GGNBP2: variants seen among roughly 807,000 people sequenced by gnomAD.
GGNBP2 encodes the protein gametogenetin-binding protein 2.
In GGNBP2, 10 loss-of-function variants were observed where a neutral mutation model predicts 85.9. The observed-to-expected ratio is 0.12, with a 90% confidence interval of 0.07 to 0.20. The LOEUF (loss-of-function observed/expected upper bound fraction) is 0.20, where lower values mean the gene tolerates loss of function less well. GGNBP2 is among the 10% of genes least tolerant of loss of function. The pLI is 1.00. For missense variants in GGNBP2, 595 were observed against 857.8 expected (o/e 0.69, Z 3.83); for synonymous variants, 287 against 285.7 (o/e 1.00, Z -0.05).
chr17:36,552,513 ATAAAGT>A (rs1440677224), intron 2 of GGNBP2, among the ~76,000 whole-genome samples: 26 of 147,896 alleles, frequency 1.8e-4, no homozygotes, highest in African/African-American at 5.3e-4. Flanking sequence ...TGTGCTGTTG[ATAAAGT>A]TAATGTATGA....
At chr17:36,558,749 C>G (rs566461908) in intron 4 of GGNBP2, among the ~76,000 whole-genome samples, 1 of 142,016 alleles carries the variant, frequency 7.0e-6, no homozygotes, top group African/African-American at 2.5e-5. Flanking sequence ...AGCCACCGTG[C>G]CTGGCTGAGG....
At chr17:36,575,506 G>A (rs367611208) in intron 6 of GGNBP2, among the ~76,000 whole-genome samples, 2 of 150,400 alleles carry the variant, frequency 1.3e-5, no homozygotes, top group South Asian at 2.1e-4. Flanking sequence ...GTTAATTTTT[G>A]TATATTTTTG....
At chr17:36,585,688 T>C in intron 10 of GGNBP2, 152 bp from the exon 11 acceptor site, 1 of 693,604 alleles carries the variant, frequency 1.4e-6, no homozygotes, top group South Asian at 2.5e-5. Context: ...TTAATTTACT[T>C]TCTACTTAAA....
At chr17:36,577,018 C>T (rs1397920674) in intron 6 of GGNBP2, 2 of 152,180 alleles carry the variant, frequency 1.3e-5, no homozygotes, top group Non-Finnish European at 2.9e-5. Context: ...GCTGTAGAGT[C>T]ACAAGTCATC....
chr17:36,571,942 G>A lies in GGNBP2; in HGVS notation c.641+4166G>A, dbSNP rs548306966. On this transcript the variant is annotated intron_variant, in intron 6 of 13. Coordinates refer to ENST00000613102, the MANE Select transcript of GGNBP2 (RefSeq NM_024835.5). ...GACACACCTGCAGTTTCATCTACTCGGGAGGCTGAGGTGGGAGGATCACTT... is the reference window on the plus strand; with the variant it reads ...GACACACCTGCAGTTTCATCTACTCAGGAGGCTGAGGTGGGAGGATCACTT... 2.6e-5 allele frequency among the ~76,000 whole-genome samples: 4 copies of A among 152,028 alleles called. No individual in the cohort carries two copies. The South Asian group carries it at 6.2e-4, about 24-fold the overall frequency.
intron 2 of GGNBP2, among the ~76,000 whole-genome samples, 183 bp from the exon 3 acceptor site, chr17:36,554,637 A>G (rs561520985): frequency 6.6e-6 from 1 of 151,970 alleles, no homozygotes; most frequent in Non-Finnish European, 1.5e-5. Flanking sequence ...TGGCCTCCCA[A>G]AGTGCTGGGA....
rs1474529998 is a variant in GGNBP2 at position 36,589,618 on chromosome 17, A to G, written c.*207A>G. 1.7e-6 allele frequency: 1 copy of G among 578,184 alleles called. No individual in the cohort carries two copies. Among genetic ancestry groups the G allele is most frequent in the Non-Finnish European group, 3.1e-6 (1 of 327,504 alleles). 35.8% of individuals were successfully genotyped at this position (578,184 alleles called of 1,614,324 possible). A position where few individuals can be genotyped will look rare whatever the true frequency, so the allele number is the denominator to read the frequency against. Reference sequence around the variant, plus strand: ...AGTTGCGTGGCTGCGCAGGCCTGCCATATGATTTAAGCCATCTCTTTTCAT... The same window carrying G: ...AGTTGCGTGGCTGCGCAGGCCTGCCGTATGATTTAAGCCATCTCTTTTCAT... On this transcript the variant is annotated 3_prime_UTR_variant, in exon 14 of 14. Coordinates refer to ENST00000613102, the MANE Select transcript of GGNBP2 (RefSeq NM_024835.5).
intron 6 of GGNBP2, chr17:36,576,629 GTATA>G (rs1555607803): frequency 2.4e-4 from 27 of 111,066 alleles, no homozygotes; most frequent in South Asian, 5.6e-4. Flanking sequence ...GTGTGTGTGT[GTATA>G]TGTATATATG....
chr17:36,589,362 A>T lies in GGNBP2; in HGVS notation c.2045A>T (p.His682Leu). 1 of 1,614,118 alleles carries T rather than the reference A, an allele frequency of 6.2e-7. No individual in the cohort carries two copies. Among genetic ancestry groups the T allele is most frequent in the Non-Finnish European group, 8.5e-7 (1 of 1,179,970 alleles). Residue 682 changes from histidine (H) to leucine (L), a missense_variant, in exon 14 of 14, where the codon CAC (histidine) becomes CTC (leucine). By Grantham distance (99) the His-to-Leu change is moderately conservative. This residue lies in a region of GGNBP2 where 26 missense variants were observed against 26.9 expected (regional missense o/e 0.97). Coordinates refer to ENST00000613102, the MANE Select transcript of GGNBP2 (RefSeq NM_024835.5). ...KFNKYCRLND[H>L]KRPICSGWLT... Reference sequence around the variant, plus strand: ...AATAAATACTGCCGGTTAAATGATCACAAGAGGCCCATTTGTAGTGGCTGG... The same window carrying T: ...AATAAATACTGCCGGTTAAATGATCTCAAGAGGCCCATTTGTAGTGGCTGG...
intron 6 of GGNBP2, chr17:36,575,139 G>A (rs1373864813): frequency 7.1e-6 from 5 of 700,504 alleles, no homozygotes; most frequent in African/African-American, 5.2e-5. Flanking sequence ...TTGACCAGGC[G>A]GCCCAGCTTG....
chr17:36,585,568 G>T (rs1490389938), intron 10 of GGNBP2, 118 bp downstream of exon 10: 3 of 731,400 alleles, frequency 4.1e-6, no homozygotes, highest in East Asian at 5.5e-5. Flanking sequence ...ATAGTTCCAA[G>T]AATATCATAT....
chr17:36,585,781 CTT>C (rs2074694702), intron 10 of GGNBP2, 57 bp from the exon 11 acceptor site: 1 of 1,481,050 alleles, frequency 6.8e-7, no homozygotes, highest in African/African-American at 1.4e-5. Context: ...AGAGTTCACT[CTT>C]TGTCCTAATA....
chr17:36,564,386 C>G (rs1384169273), intron 5 of GGNBP2, among the ~76,000 whole-genome samples: 1 of 152,198 alleles, frequency 6.6e-6, no homozygotes, highest in African/African-American at 2.4e-5. Flanking sequence ...TTTTCAATCA[C>G]TTTGCTTATT....
intron 6 of GGNBP2, among the ~76,000 whole-genome samples, chr17:36,575,641 TA>T (rs1220285030): frequency 1.7e-3 from 94 of 55,644 alleles, no homozygotes; most frequent in East Asian, 0.012. Context: ...TATATATATA[TA>T]TATATATTTT....
rs1247577071 is a variant in GGNBP2 at position 36,557,258 on chromosome 17, G to A, written c.350G>A (p.Gly117Glu). ...GNPALEPLTV[G>E]PKGVLSVTRS... The stretch of plus-strand genomic sequence containing the variant: ...CCTGCTCTTGAACCCCTAACAGTAG[G>A]GCCCAAGGGAGTCCTGTCTGTAACT... The change falls in exon 4 of 14, where the codon GGG becomes GAG. Residue 117 changes from glycine to glutamate, a missense_variant. Physicochemically the swap from Gly to Glu is moderately conservative, Grantham distance 98 (BLOSUM62 -2). Transcript: ENST00000613102. The A allele has an allele frequency of 1.2e-6, 2 of 1,613,892 alleles. No individual in the cohort carries two copies. Among genetic ancestry groups the A allele is most frequent in the African/African-American group, 2.7e-5 (2 of 74,880 alleles).
At chr17:36,567,344 C>A (rs574240826) in intron 5 of GGNBP2, among the ~76,000 whole-genome samples, 1 of 152,152 alleles carries the variant, frequency 6.6e-6, no homozygotes, top group East Asian at 1.9e-4. Context: ...TAAACATGTT[C>A]TAATATCTTA....
chr17:36,580,169 A>G (rs1485715975), intron 8 of GGNBP2, among the ~76,000 whole-genome samples: 1 of 151,830 alleles, frequency 6.6e-6, no homozygotes, highest in Non-Finnish European at 1.5e-5. Flanking sequence ...TGTGAATGCC[A>G]TGGTATAAGG....
chr17:36,547,481 C>T lies in GGNBP2; in HGVS notation c.93+1664C>T, dbSNP rs114853367. On this transcript the variant is annotated intron_variant, in intron 2 of 13. Coordinates refer to ENST00000613102, the MANE Select transcript of GGNBP2 (RefSeq NM_024835.5). ...AAATAGTCTTCAAAAGACACTAGTT[C>T]TTGGTATATTCACATAACCACCTTT... The T allele has an allele frequency of 7.5e-3, 1,147 of 152,288 alleles. 12 individuals carry two copies. The highest frequency in any genetic ancestry group is 0.026 in the African/African-American group (1,088 of 41,542). The allele number at this position is 152,288 out of a possible 1,614,324, so 9.4% of individuals were successfully genotyped here.
chr17:36,581,240 A>C, intron 8 of GGNBP2, 104 bp from the exon 9 acceptor site: 1 of 719,344 alleles, frequency 1.4e-6, no homozygotes, highest in Admixed American at 2.7e-5. Flanking sequence ...AGCTGAGATC[A>C]TGCCACTGCA....
Sources: gnomAD v4.1 joint callset for allele counts (sites outside exome capture counted in the v4.1 genomes callset) on GRCh38, gnomAD v4.1.1 for gene constraint, gnomAD v4.1.1 regional missense constraint, MANE v1.5 for transcripts, NCBI Gene and HGNC (gene_info 2026-07-23, HGNC 2026-07-21) for gene names.